Variants in TRAF2 observed in about 807,000 individuals in gnomAD.
The protein encoded by TRAF2 is TNF receptor associated factor 2.
TRAF2 carries 6 observed loss-of-function variants against 55.6 expected under a neutral mutation model. The observed-to-expected ratio is 0.11, with a 90% CI of 0.06 to 0.21. The LOEUF is 0.21. TRAF2 is among the 10% of genes least tolerant of loss of function. The pLI, the probability that TRAF2 is intolerant of heterozygous loss-of-function variation, is 1.00. For missense variants in TRAF2, 561 were observed against 684.5 expected, an observed-to-expected ratio of 0.82 and a Z score of 2.01; for synonymous variants, 329 against 276.3, an observed-to-expected ratio of 1.19 and a Z score of -1.89.
At chr9:136,925,640 G>T in intron 10 of TRAF2, 43 bp from the exon 11 acceptor site, 1 of 1,595,904 alleles carries the variant, frequency 6.3e-7, no homozygotes, top group Non-Finnish European at 8.6e-7. Flanking sequence ...AGAGAGAGAC[G>T]GCCCACAGAC....
chr9:136,924,703 C>T (rs1443274792), intron 10 of TRAF2, among the ~76,000 whole-genome samples: 1 of 152,120 alleles, frequency 6.6e-6, no homozygotes, highest in Non-Finnish European at 1.5e-5. Flanking sequence ...GAGGAAGGAA[C>T]ACAGCTTCGG....
At chr9:136,903,849 TTTTTTTGTA>T (rs1288624656) in intron 4 of TRAF2, among the ~76,000 whole-genome samples, 1 of 151,928 alleles carries the variant, frequency 6.6e-6, no homozygotes, top group Non-Finnish European at 1.5e-5. Flanking sequence ...TCCCGGCTAA[TTTTTTTGTA>T]TTTTTAGTAG....
chr9:136,886,507 C>A, upstream of TRAF2: 1 of 998,466 alleles, frequency 1.0e-6, no homozygotes, highest in Non-Finnish European at 1.2e-6. Flanking sequence ...GGTAGCTGGG[C>A]GGGCCCTTAG....
At chr9:136,911,614 G>A (rs1850108595) in intron 6 of TRAF2, among the ~76,000 whole-genome samples, 1 of 152,034 alleles carries the variant, frequency 6.6e-6, no homozygotes, top group African/African-American at 2.4e-5. Flanking sequence ...AGACTGAGGG[G>A]CCTTTCAGGC....
chr9:136,904,254 C>T (rs887106718), intron 4 of TRAF2, among the ~76,000 whole-genome samples: 4 of 152,086 alleles, frequency 2.6e-5, no homozygotes, highest in Non-Finnish European at 5.9e-5. Flanking sequence ...CCTAGGCTAG[C>T]GTGTAGTGGT....
At chr9:136,894,050 T>TC (rs1320917962) in intron 1 of TRAF2, among the ~76,000 whole-genome samples, 3 of 147,392 alleles carry the variant, frequency 2.0e-5, no homozygotes. Flanking sequence ...GCCTGGCCTT[T>TC]TTTTTTTTTT....
intron 4 of TRAF2, chr9:136,902,123 C>G (rs1485857862): frequency 6.6e-6 from 1 of 152,290 alleles, no homozygotes; most frequent in East Asian, 1.9e-4. Context: ...CCGCCCTCAG[C>G]CACGACGTGC....
intron 1 of TRAF2, among the ~76,000 whole-genome samples, chr9:136,895,582 C>T (rs948968130): frequency 7.2e-5 from 11 of 152,164 alleles, no homozygotes; most frequent in Non-Finnish European, 1.6e-4. Context: ...GGGCCAGGCA[C>T]GGTGGCTCCT....
At chr9:136,922,609 G>A (rs559778614) in intron 9 of TRAF2, 1 of 157,390 alleles carries the variant, frequency 6.4e-6, no homozygotes, top group East Asian at 1.9e-4. Flanking sequence ...GCACGGTGGA[G>A]GACGAGGATG....
At chr9:136,882,912 C>G (rs1185129981), upstream of TRAF2, among the ~76,000 whole-genome samples, 1 of 152,234 alleles carries the variant, frequency 6.6e-6, no homozygotes, top group Non-Finnish European at 1.5e-5. Context: ...GCTCTGTCGT[C>G]CAGGATGGAG....
chr9:136,892,242 T>C (rs1849595104), intron 1 of TRAF2, among the ~76,000 whole-genome samples: 2 of 151,758 alleles, frequency 1.3e-5, no homozygotes, highest in South Asian at 4.2e-4. Context: ...GGCGGGCAGA[T>C]CACGAGGTCA....
chr9:136,897,583 G>T (rs1259996345), intron 1 of TRAF2, among the ~76,000 whole-genome samples: 2 of 141,928 alleles, frequency 1.4e-5, no homozygotes, highest in African/African-American at 5.3e-5. Flanking sequence ...GCTACGTTCC[G>T]CTCTCGGGGC....
chr9:136,907,032 G>A (rs1378641207), intron 4 of TRAF2, among the ~76,000 whole-genome samples: 1 of 152,248 alleles, frequency 6.6e-6, no homozygotes, highest in African/African-American at 2.4e-5. Context: ...GACGGTCGGG[G>A]AAGCCCTGCC....
intron 7 of TRAF2, among the ~76,000 whole-genome samples, chr9:136,917,633 C>CTT (rs1169212488): frequency 6.6e-6 from 1 of 152,216 alleles, no homozygotes; most frequent in African/African-American, 2.4e-5. Flanking sequence ...ACCTTCCTTG[C>CTT]TTGAAGACAG....
intron 8 of TRAF2, 60 bp from the exon 9 acceptor site, chr9:136,920,978 G>GGC: frequency 6.3e-7 from 1 of 1,590,752 alleles, no homozygotes; most frequent in Non-Finnish European, 8.6e-7. Flanking sequence ...GGGTGTGGGA[G>GGC]GCAGGGGCTC....
chr9:136,923,126 C>T (rs1850436252), intron 9 of TRAF2, among the ~76,000 whole-genome samples: 1 of 152,138 alleles, frequency 6.6e-6, no homozygotes, highest in Non-Finnish European at 1.5e-5. Context: ...AGGAAGTCGA[C>T]TCTTCTTGTT....
intron 9 of TRAF2, among the ~76,000 whole-genome samples, chr9:136,921,855 C>T (rs895644546): frequency 6.6e-6 from 1 of 152,212 alleles, no homozygotes; most frequent in African/African-American, 2.4e-5. Context: ...AGGCGGCCCC[C>T]CTGCTGTCCC....
intron 3 of TRAF2, among the ~76,000 whole-genome samples, 153 bp from the exon 4 acceptor site, chr9:136,900,268 TA>T (rs1849786749): frequency 6.6e-6 from 1 of 150,524 alleles, no homozygotes; most frequent in Non-Finnish European, 1.5e-5. Context: ...AGTCCAAAAA[TA>T]AAAAGGAATC....
At chr9:136,899,161 C>T (rs1415342859) in intron 2 of TRAF2, among the ~76,000 whole-genome samples, 1 of 152,192 alleles carries the variant, frequency 6.6e-6, no homozygotes, top group Admixed American at 6.5e-5. Flanking sequence ...TACGTCATTA[C>T]AGTTAATTTT....
Sources: gnomAD v4.1 joint callset for allele counts (sites outside exome capture counted in the v4.1 genomes callset) on GRCh38, gnomAD v4.1.1 for gene constraint, MANE v1.5 for transcripts, NCBI Gene and HGNC (gene_info 2026-07-23, HGNC 2026-07-21) for gene names.